Variants in EYS observed in about 807,000 individuals in gnomAD.
EYS encodes the protein protein eyes shut homolog.
EYS carries 250 observed loss-of-function variants against 282.1 expected under a neutral mutation model. The observed-to-expected ratio is 0.89, with a 90% CI of 0.80 to 0.98. The LOEUF is 0.98. Ranked by LOEUF, EYS falls within the 50% of genes least tolerant of loss-of-function variation. EYS has a pLI of 0.00. For missense variants in EYS, 4,016 were observed against 3,709.0 expected (o/e 1.08, Z -2.15); for synonymous variants, 1,355 against 1,282.9 (o/e 1.06, Z -1.20).
chr6:65,405,134 A>T, intron 6 of EYS, 40 bp downstream of exon 6: 1 of 1,493,136 alleles, frequency 6.7e-7, no homozygotes, highest in Non-Finnish European at 9.3e-7. Flanking sequence ...TAGTAAAAAA[A>T]ATTTAAAACC....
chr6:65,513,882 A>T (rs539145568), intron 2 of EYS, among the ~76,000 whole-genome samples: 1 of 152,208 alleles, frequency 6.6e-6, no homozygotes, highest in Non-Finnish European at 1.5e-5. Flanking sequence ...AACTGGCACA[A>T]GACAGGGCTG....
At chr6:64,665,486 C>G (rs571768146) in intron 22 of EYS, among the ~76,000 whole-genome samples, 5 of 152,138 alleles carry the variant, frequency 3.3e-5, no homozygotes, top group African/African-American at 1.2e-4. Context: ...GGAGAAACAG[C>G]CCTAGTCACC....
Position 64,213,055 on chromosome 6 carries a change from T to C in EYS, c.6424+17537A>G, listed in dbSNP as rs114953985. 2.5e-3 allele frequency among the ~76,000 whole-genome samples: 373 copies of C among 151,928 alleles called. 1 individual carries two copies. The highest frequency in any genetic ancestry group is 8.4e-3 in the African/African-American group (349 of 41,432). ...GTTTTCCCTTATAAGTGGGGATACA[T>C]AGAGGGGAAAAACACACACTGGGGC... is the stretch of plus-strand genomic sequence containing the variant. On this transcript the variant is annotated intron_variant, in intron 31 of 42. Coordinates refer to ENST00000503581, the MANE Select transcript of EYS (RefSeq NM_001142800.2).
At chr6:65,179,738 G>A (rs1371118735) in intron 12 of EYS, among the ~76,000 whole-genome samples, 4 of 151,970 alleles carry the variant, frequency 2.6e-5, no homozygotes, top group Non-Finnish European at 5.9e-5. Flanking sequence ...CCAAAGCCTG[G>A]CAGAGACACA....
chr6:64,974,740 T>C (rs1330728313), intron 14 of EYS, among the ~76,000 whole-genome samples: 1 of 151,906 alleles, frequency 6.6e-6, no homozygotes. Context: ...TTATTTAGAC[T>C]AGCATCTTGA....
At chr6:65,384,179 C>T (rs1765717551) in intron 8 of EYS, among the ~76,000 whole-genome samples, 1 of 151,830 alleles carries the variant, frequency 6.6e-6, no homozygotes, top group South Asian at 2.1e-4. Context: ...AATAAAAACA[C>T]CTCCTAGAAC....
At chr6:63,894,789 G>C (rs1355770413) in intron 35 of EYS, among the ~76,000 whole-genome samples, 1 of 151,710 alleles carries the variant, frequency 6.6e-6, no homozygotes, top group Non-Finnish European at 1.5e-5. Flanking sequence ...GGGTTTCACC[G>C]TGTTAGCCAG....
chr6:65,163,520 A>G (rs954924295), intron 12 of EYS, among the ~76,000 whole-genome samples: 1 of 151,226 alleles, frequency 6.6e-6, no homozygotes, highest in African/African-American at 2.4e-5. Context: ...GGGCCAGTGT[A>G]CTAGATCAAT....
intron 36 of EYS, among the ~76,000 whole-genome samples, chr6:63,828,346 A>G (rs1419495698): frequency 1.3e-5 from 2 of 152,062 alleles, no homozygotes; most frequent in Non-Finnish European, 2.9e-5. Context: ...ATTAACCAAG[A>G]AGAGAAAAAA....
At chr6:64,507,876 A>C (rs970081412) in intron 26 of EYS, among the ~76,000 whole-genome samples, 23 of 152,202 alleles carry the variant, frequency 1.5e-4, no homozygotes, top group Non-Finnish European at 2.9e-4. Flanking sequence ...CCACAGATAA[A>C]GAGGTCAGAA....
At chr6:64,049,229 T>C (rs9353472) in intron 33 of EYS, among the ~76,000 whole-genome samples, 32,188 of 152,130 alleles carry the variant, frequency 0.21, 3,630 homozygotes, top group Middle Eastern at 0.34. Flanking sequence ...CAGTCATGTA[T>C]CTACCTAGAT....
chr6:63,974,652 G>T (rs578180345), intron 35 of EYS, among the ~76,000 whole-genome samples: 1 of 152,070 alleles, frequency 6.6e-6, no homozygotes, highest in Admixed American at 6.6e-5. Context: ...TTTGATAGTG[G>T]TCTTTTCCAT....
At chr6:64,602,319 AG>A (rs1766787460) in intron 24 of EYS, among the ~76,000 whole-genome samples, 1 of 152,120 alleles carries the variant, frequency 6.6e-6, no homozygotes, top group South Asian at 2.1e-4. Flanking sequence ...GCAAAATGTA[AG>A]TATTTTTACC....
At chr6:65,512,224 G>T (rs901762657) in intron 2 of EYS, among the ~76,000 whole-genome samples, 31 of 152,076 alleles carry the variant, frequency 2.0e-4, no homozygotes, top group African/African-American at 7.5e-4. Flanking sequence ...CGGGCACGGT[G>T]GCTCATGCCT....
chr6:64,222,272 G>A (rs1433413872), intron 31 of EYS, among the ~76,000 whole-genome samples: 1 of 150,102 alleles, frequency 6.7e-6, no homozygotes, highest in Non-Finnish European at 1.5e-5. Context: ...AGGGCATGAT[G>A]TTGTCTTTTA....
chr6:64,571,575 A>G (rs1765726910), intron 26 of EYS, among the ~76,000 whole-genome samples: 2 of 152,182 alleles, frequency 1.3e-5, no homozygotes, highest in South Asian at 4.1e-4. Context: ...AATAGACACA[A>G]TAAAAAATAG....
intron 22 of EYS, among the ~76,000 whole-genome samples, chr6:64,759,195 G>A (rs1367931403): frequency 1.3e-5 from 2 of 151,996 alleles, no homozygotes; most frequent in African/African-American, 4.8e-5. Flanking sequence ...ATGAGACAAC[G>A]GGTAGCTATC....
chr6:65,092,850 C>A (rs539057673), intron 12 of EYS, among the ~76,000 whole-genome samples: 1 of 151,976 alleles, frequency 6.6e-6, no homozygotes, highest in African/African-American at 2.4e-5. Flanking sequence ...TCAAGTGAAC[C>A]AATATACACA....
intron 31 of EYS, among the ~76,000 whole-genome samples, chr6:64,224,882 T>C (rs1766210196): frequency 6.6e-6 from 1 of 152,144 alleles, no homozygotes; most frequent in East Asian, 1.9e-4. Context: ...TTGTGATATC[T>C]TGGTGGATTG....
Sources: gnomAD v4.1 joint callset for allele counts (sites outside exome capture counted in the v4.1 genomes callset) on GRCh38, gnomAD v4.1.1 for gene constraint, MANE v1.5 for transcripts, NCBI Gene and HGNC (gene_info 2026-07-23, HGNC 2026-07-21) for gene names.